Variants in PLXNA4 observed in about 807,000 individuals in gnomAD.
The protein encoded by PLXNA4 is plexin-A4.
A neutral mutation model predicts 191.8 loss-of-function variants in PLXNA4; 44 were observed. That is an observed-to-expected ratio of 0.23 (90% CI 0.18 to 0.29). The LOEUF is 0.29. Among genes scored for constraint, PLXNA4 ranks in the 10% least tolerant of loss-of-function variants. The pLI, the probability that PLXNA4 is intolerant of heterozygous loss-of-function variation, is 1.00. For missense variants in PLXNA4, 1,800 were observed against 2,488.8 expected (o/e 0.72, Z 5.89); for synonymous variants, 1,082 against 1,009.5 (o/e 1.07, Z -1.36).
chr7:132,367,228 A>C (rs1804222429), intron 3 of PLXNA4, among the ~76,000 whole-genome samples: 1 of 152,274 alleles, frequency 6.6e-6, no homozygotes, highest in South Asian at 2.1e-4. Flanking sequence ...GAAAATGCTC[A>C]GCTGAGTAGC....
intron 3 of PLXNA4, among the ~76,000 whole-genome samples, chr7:132,332,212 G>A (rs1802616326): frequency 6.6e-6 from 1 of 152,180 alleles, no homozygotes. Context: ...AGAAGCCTGA[G>A]ATGTTTAGGC....
Position 132,556,178 on chromosome 7 carries a change from C to A in PLXNA4, c.-87+20244G>T, listed in dbSNP as rs563073230. 2.3e-3 allele frequency among the ~76,000 whole-genome samples: 343 copies of A among 152,370 alleles called. 2 individuals carry two copies. Among genetic ancestry groups the A allele is most frequent in the African/African-American group, 7.9e-3 (328 of 41,588 alleles). ...AGTTACTAAGTCAGTGCCTCCCAAA[C>A]TTTCTCACTTCCTGACACTTGCAGA... On this transcript the variant is annotated intron_variant, in intron 1 of 31. Coordinates refer to ENST00000321063, the MANE Select transcript of PLXNA4 (RefSeq NM_020911.2).
intron 3 of PLXNA4, among the ~76,000 whole-genome samples, chr7:132,428,043 A>G (rs1294264736): frequency 6.6e-6 from 1 of 152,146 alleles, no homozygotes; most frequent in Non-Finnish European, 1.5e-5. Context: ...AGGGGAGGAC[A>G]TCGGCACAGA....
At chr7:132,322,184 C>CTGTCTTTTTTTTTTTTTTTT (rs376377991) in intron 3 of PLXNA4, among the ~76,000 whole-genome samples, 11 of 122,496 alleles carry the variant, frequency 9.0e-5, no homozygotes, top group African/African-American at 2.4e-4. Flanking sequence ...CCTAAAAGGG[C>CTGTCTTTTTTTTTTTTTTTT]TTTTTTTTTT....
At chr7:132,310,025 T>C (rs1287865472) in intron 3 of PLXNA4, among the ~76,000 whole-genome samples, 18 of 152,096 alleles carry the variant, frequency 1.2e-4, no homozygotes, top group Admixed American at 1.2e-3. Flanking sequence ...CAGCCATGAG[T>C]GTGTCAACAT....
chr7:132,174,559 C>T (rs1796393190), intron 21 of PLXNA4, among the ~76,000 whole-genome samples: 1 of 152,208 alleles, frequency 6.6e-6, no homozygotes, highest in African/African-American at 2.4e-5. Flanking sequence ...CCATGATCCT[C>T]CAAGACCTGA....
intron 2 of PLXNA4, among the ~76,000 whole-genome samples, chr7:132,626,836 A>G (rs1803386107): frequency 6.6e-6 from 1 of 152,190 alleles, no homozygotes; most frequent in Admixed American, 6.5e-5. Context: ...CCAACCCAGG[A>G]TATAGCTCTG....
chr7:132,600,838 T>C (rs976319093), intron 2 of PLXNA4, among the ~76,000 whole-genome samples: 2 of 152,204 alleles, frequency 1.3e-5, no homozygotes, highest in African/African-American at 4.8e-5. Context: ...TCTTTTATCT[T>C]GATTAGTGTC....
chr7:132,345,452 GAAAA>G (rs1465204165), intron 3 of PLXNA4, among the ~76,000 whole-genome samples: 3 of 152,156 alleles, frequency 2.0e-5, no homozygotes, highest in African/African-American at 7.2e-5. Flanking sequence ...CTCTCCTGCA[GAAAA>G]ACATGTTACA....
At position 132,550,850 on chromosome 7, in the gene PLXNA4, G is replaced by C. The variant is rs1800531422; in HGVS notation, c.-87+25572C>G. The stretch of plus-strand genomic sequence containing the variant: ...CAGACCTTAATCCTGGTCTCTCCCT[G>C]ACCTCCTGGCCACTCACACACCCAG... On this transcript the variant is annotated intron_variant, in intron 1 of 31. Transcript: ENST00000321063. Among the ~76,000 whole-genome samples the C allele has an allele frequency of 2.0e-5, 3 of 152,114 alleles. No individual in the cohort carries two copies. In the South Asian group the frequency reaches 6.2e-4, roughly 32 times the overall value.
At chr7:132,152,822 C>T (rs1795684835) in intron 25 of PLXNA4, among the ~76,000 whole-genome samples, 2 of 152,178 alleles carry the variant, frequency 1.3e-5, no homozygotes, top group South Asian at 2.1e-4. Flanking sequence ...TGACTCCTCA[C>T]AAACACCTTC....
At chr7:132,584,546 TAAAACAAAATG>T (rs374298014) in intron 2 of PLXNA4, among the ~76,000 whole-genome samples, 5 of 152,174 alleles carry the variant, frequency 3.3e-5, no homozygotes, top group African/African-American at 9.7e-5. Flanking sequence ...GGTGCAGATG[TAAAACAAAATG>T]AAAACAAAAT....
intron 3 of PLXNA4, among the ~76,000 whole-genome samples, chr7:132,375,479 G>C (rs1804623998): frequency 6.6e-6 from 1 of 152,170 alleles, no homozygotes; most frequent in African/African-American, 2.4e-5. Context: ...TCTGTGTGTG[G>C]CACTGGAGAC....
intron 4 of PLXNA4, among the ~76,000 whole-genome samples, chr7:132,280,327 G>C (rs1428122034): frequency 1.3e-5 from 2 of 152,072 alleles, no homozygotes; most frequent in East Asian, 1.9e-4. Flanking sequence ...ATAGTGGAAG[G>C]GATAAAGGAA....
At chr7:132,610,026 G>A (rs2116852556) in intron 2 of PLXNA4, among the ~76,000 whole-genome samples, 1 of 152,334 alleles carries the variant, frequency 6.6e-6, no homozygotes, top group South Asian at 2.1e-4. Flanking sequence ...AGTGAAACCA[G>A]GGTGAGTTGT....
intron 21 of PLXNA4, among the ~76,000 whole-genome samples, chr7:132,172,831 A>G (rs2116688155): frequency 6.6e-6 from 1 of 152,282 alleles, no homozygotes; most frequent in South Asian, 2.1e-4. Context: ...TTTTGAACTC[A>G]TGAAGAAAGG....
chr7:132,359,895 G>A (rs1176716082), intron 3 of PLXNA4, among the ~76,000 whole-genome samples: 1 of 152,082 alleles, frequency 6.6e-6, no homozygotes, highest in African/African-American at 2.4e-5. Flanking sequence ...TATCCCCTTG[G>A]GAGCAGTGAC....
intron 1 of PLXNA4, among the ~76,000 whole-genome samples, chr7:132,558,830 TA>T (rs1173111148): frequency 4.6e-5 from 7 of 152,194 alleles, no homozygotes; most frequent in Non-Finnish European, 1.0e-4. Flanking sequence ...CCCAGGTCAG[TA>T]AGTAGTCTCT....
At chr7:132,252,299 GTTTTTTTTTTTTT>G (rs71178032) in intron 4 of PLXNA4, among the ~76,000 whole-genome samples, 3 of 75,308 alleles carry the variant, frequency 4.0e-5, no homozygotes, top group Non-Finnish European at 7.3e-5. Flanking sequence ...CATTCTAAAA[GTTTTTTTTTTTTT>G]TTTTTTTTTT....
Sources: gnomAD v4.1 joint callset for allele counts (sites outside exome capture counted in the v4.1 genomes callset) on GRCh38, gnomAD v4.1.1 for gene constraint, MANE v1.5 for transcripts, NCBI Gene and HGNC (gene_info 2026-07-23, HGNC 2026-07-21) for gene names.